The following DENND5B variants were observed in gnomAD, a reference collection of about 807,000 sequenced individuals.
The protein encoded by DENND5B is DENN domain-containing protein 5B.
In DENND5B, 34 loss-of-function variants were observed where a neutral mutation model predicts 140.6. That is an observed-to-expected ratio of 0.24 (90% CI 0.18 to 0.32). The LOEUF (loss-of-function observed/expected upper bound fraction) is 0.32. Ranked by LOEUF, DENND5B falls within the 10% of genes least tolerant of loss-of-function variation. DENND5B has a pLI of 1.00. For synonymous variants in DENND5B, 551 were observed against 562.1 expected, an observed-to-expected ratio of 0.98 and a Z score of 0.28; for missense variants, 1,142 against 1,560.2, an observed-to-expected ratio of 0.73 and a Z score of 4.52.
chr12:31,413,314 A>AAGAATGCATGTGCACAG, intron 13 of DENND5B, 122 bp downstream of exon 13: 1 of 1,189,464 alleles, frequency 8.4e-7, no homozygotes, highest in East Asian at 2.5e-5. Flanking sequence ...TTAGATAAAG[A>AAGAATGCATGTGCACAG]AGAATGCATG....
intron 1 of DENND5B, among the ~76,000 whole-genome samples, chr12:31,561,401 A>T (rs1949469756): frequency 6.6e-6 from 1 of 152,162 alleles, no homozygotes; most frequent in Non-Finnish European, 1.5e-5. Context: ...AGGAGGAAGG[A>T]TCACCTGAGC....
intron 2 of DENND5B, among the ~76,000 whole-genome samples, chr12:31,483,968 C>T (rs1056780995): frequency 2.6e-5 from 4 of 151,196 alleles, no homozygotes; most frequent in Admixed American, 6.6e-5. Context: ...AGGTTCAAGC[C>T]TCAGCCTCCC....
At chr12:31,444,557 C>T (rs540277185) in intron 6 of DENND5B, among the ~76,000 whole-genome samples, 11 of 152,118 alleles carry the variant, frequency 7.2e-5, no homozygotes, top group African/African-American at 2.6e-4. Flanking sequence ...GTGGTATTTT[C>T]AAGAGTATTA....
chr12:31,574,161 G>A (rs1260655195), intron 1 of DENND5B, among the ~76,000 whole-genome samples: 2 of 151,526 alleles, frequency 1.3e-5, no homozygotes, highest in African/African-American at 4.9e-5. Flanking sequence ...TACTCGGAAG[G>A]CTGAGGCAAG....
rs1940808369 is a variant in DENND5B at position 31,385,424 on chromosome 12, A to G, written c.*2179T>C. 6.6e-6 allele frequency: 1 copy of G among 152,158 alleles called. No individual in the cohort carries two copies. The highest frequency in any genetic ancestry group is 2.4e-5 in the African/African-American group (1 of 41,416). 9.4% of individuals were successfully genotyped at this position (152,158 alleles called of 1,614,324 possible). ...TGTGTCAATCCTAGCACATTAACCT[A>G]AGTCATCCCCCAGGTTGCCTAGACC... On this transcript the variant is annotated 3_prime_UTR_variant, in exon 21 of 21. Transcript: ENST00000389082.
intron 10 of DENND5B, 115 bp downstream of exon 10, chr12:31,424,420 A>T: frequency 7.7e-7 from 1 of 1,304,468 alleles, no homozygotes. Context: ...GCATTTTTCT[A>T]GTCCCCTTGT....
intron 7 of DENND5B, among the ~76,000 whole-genome samples, chr12:31,438,173 C>T (rs1364170427): frequency 1.3e-5 from 2 of 152,216 alleles, no homozygotes; most frequent in East Asian, 3.8e-4. Context: ...TGGGGTTCCA[C>T]CATCTCGGCC....
At chr12:31,542,975 G>GA (rs1189862227) in intron 1 of DENND5B, among the ~76,000 whole-genome samples, 1 of 152,038 alleles carries the variant, frequency 6.6e-6, no homozygotes, top group Non-Finnish European at 1.5e-5. Context: ...AAATGGTACT[G>GA]AAAAAAATGT....
At chr12:31,508,487 G>C (rs977677084) in intron 1 of DENND5B, among the ~76,000 whole-genome samples, 6 of 152,278 alleles carry the variant, frequency 3.9e-5, no homozygotes, top group Admixed American at 6.5e-5. Context: ...TTAGTAAATA[G>C]ACTATCCTGT....
chr12:31,460,807 C>T (rs535850365), intron 3 of DENND5B, among the ~76,000 whole-genome samples: 1 of 152,266 alleles, frequency 6.6e-6, no homozygotes, highest in South Asian at 2.1e-4. Context: ...CACACTGCAA[C>T]CTCCACATCT....
chr12:31,483,925 C>A lies in DENND5B; in HGVS notation c.238-3670G>T, dbSNP rs370494759. 5.8e-3 allele frequency among the ~76,000 whole-genome samples: 838 copies of A among 145,118 alleles called. 2 individuals are homozygous for A. The highest frequency in any genetic ancestry group is 0.021 in the African/African-American group (806 of 39,018). On this transcript the variant is annotated intron_variant, in intron 2 of 20. Coordinates refer to ENST00000389082, the MANE Select transcript of DENND5B (RefSeq NM_144973.4). ...TGTCACTCAGGCTGGAGTGCGGTGG[C>A]GCAATCTTGGCTCACTGCAACCTCC...
chr12:31,483,547 T>C (rs1003840978), intron 2 of DENND5B, among the ~76,000 whole-genome samples: 1 of 151,152 alleles, frequency 6.6e-6, no homozygotes, highest in Non-Finnish European at 1.5e-5. Context: ...TTCAAGCAAT[T>C]CTCCTGCCTC....
chr12:31,489,506 T>C (rs1165857209), intron 2 of DENND5B, among the ~76,000 whole-genome samples: 1 of 152,212 alleles, frequency 6.6e-6, no homozygotes, highest in South Asian at 2.1e-4. Flanking sequence ...GAGTAACTAC[T>C]CCTGCTTAAG....
At chr12:31,404,758 G>GTTTTT (rs1565546658) in intron 14 of DENND5B, among the ~76,000 whole-genome samples, 1 of 10,668 alleles carries the variant, frequency 9.4e-5, no homozygotes, top group Non-Finnish European at 2.3e-4. Context: ...CCGACCTCTA[G>GTTTTT]CTTTTTTTTT....
intron 1 of DENND5B, among the ~76,000 whole-genome samples, chr12:31,503,870 T>TC: frequency 6.6e-6 from 1 of 152,244 alleles, no homozygotes; most frequent in African/African-American, 2.4e-5. Flanking sequence ...TCACACTATT[T>TC]CCCTCTCTTC....
chr12:31,514,675 G>A (rs7963764), intron 1 of DENND5B, among the ~76,000 whole-genome samples: 64,131 of 151,836 alleles, frequency 0.42, 13,958 homozygotes, highest in Admixed American at 0.57. Flanking sequence ...AAATTTGCCA[G>A]GTGTGGTGGC....
At chr12:31,486,773 G>T (rs1333939650) in intron 2 of DENND5B, among the ~76,000 whole-genome samples, 1 of 152,142 alleles carries the variant, frequency 6.6e-6, no homozygotes, top group Non-Finnish European at 1.5e-5. Context: ...CCTTAGAGAG[G>T]TCTTCCTTTA....
At chr12:31,503,351 G>A (rs1235741833) in intron 1 of DENND5B, among the ~76,000 whole-genome samples, 1 of 152,120 alleles carries the variant, frequency 6.6e-6, no homozygotes, top group Non-Finnish European at 1.5e-5. Flanking sequence ...CTTGAGTTCA[G>A]GAGCTTGAGA....
intron 11 of DENND5B, among the ~76,000 whole-genome samples, chr12:31,421,612 CA>C (rs1483830602): frequency 6.6e-6 from 1 of 152,112 alleles, no homozygotes; most frequent in East Asian, 1.9e-4. Context: ...TGCAGTGGCG[CA>C]ATCTTGGCTC....
Sources: allele counts gnomAD v4.1 joint callset (sites outside exome capture counted in the v4.1 genomes callset), GRCh38; gene constraint gnomAD v4.1.1; transcripts MANE v1.5; gene names NCBI Gene and HGNC (gene_info 2026-07-23, HGNC 2026-07-21).